DNAH14: variants seen among roughly 807,000 people sequenced by gnomAD.
DNAH14 encodes dynein axonemal heavy chain 14, also known as axonemal beta dynein heavy chain 14.
In DNAH14, 478 loss-of-function variants were observed where a neutral mutation model predicts 520.9. That is an observed-to-expected ratio of 0.92 (90% CI 0.85 to 0.99). The LOEUF (loss-of-function observed/expected upper bound fraction) is 0.99, where lower values mean the gene tolerates loss of function less well. Among genes scored for constraint, DNAH14 ranks in the 50% least tolerant of loss-of-function variants. The pLI is 0.00. For synonymous variants in DNAH14, 1,581 were observed against 1,757.2 expected (o/e 0.90, Z 2.51); for missense variants, 4,831 against 5,234.5 (o/e 0.92, Z 2.38).
At chr1:225,308,510 A>C in intron 60 of DNAH14, 100 bp downstream of exon 60, 1 of 1,192,486 alleles carries the variant, frequency 8.4e-7, no homozygotes, top group Non-Finnish European at 1.1e-6. Context: ...TTAAATACAT[A>C]GTGCCCCAAC....
intron 3 of DNAH14, among the ~76,000 whole-genome samples, chr1:224,957,587 G>A (rs1254997010): frequency 6.6e-6 from 1 of 152,102 alleles, no homozygotes; most frequent in African/African-American, 2.4e-5. Flanking sequence ...TCAGAGTTAA[G>A]CTGAATAGGA....
intron 50 of DNAH14, among the ~76,000 whole-genome samples, chr1:225,271,158 G>C (rs1481227119): frequency 6.6e-6 from 1 of 152,058 alleles, no homozygotes; most frequent in Non-Finnish European, 1.5e-5. Flanking sequence ...GTAGGAATCT[G>C]CATTTTTAAC....
chr1:225,169,215 T>C (rs2082345088), intron 36 of DNAH14, among the ~76,000 whole-genome samples: 1 of 151,948 alleles, frequency 6.6e-6, no homozygotes, highest in Non-Finnish European at 1.5e-5. Context: ...GAAGAAAAAC[T>C]GAAAATTCTA....
intron 60 of DNAH14, among the ~76,000 whole-genome samples, chr1:225,313,953 T>C (rs2094419855): frequency 6.6e-6 from 1 of 152,184 alleles, no homozygotes. Flanking sequence ...GTCTGTTAGG[T>C]CTGCTTGGTC....
intron 77 of DNAH14, 80 bp from the exon 78 acceptor site, chr1:225,374,608 G>A (rs1163848231): frequency 8.8e-6 from 11 of 1,248,094 alleles, no homozygotes; most frequent in South Asian, 1.8e-5. Context: ...CTGTTTGAGA[G>A]TTGATTTTAT....
At chr1:225,332,640 T>C (rs2094823597) in intron 65 of DNAH14, among the ~76,000 whole-genome samples, 1 of 152,028 alleles carries the variant, frequency 6.6e-6, no homozygotes, top group Non-Finnish European at 1.5e-5. Flanking sequence ...GTTGTTGCTG[T>C]TATTATTGTT....
At chr1:225,069,311 T>C (rs1278722322) in intron 17 of DNAH14, among the ~76,000 whole-genome samples, 1 of 152,250 alleles carries the variant, frequency 6.6e-6, no homozygotes, top group African/African-American at 2.4e-5. Context: ...CTTCCTGCTT[T>C]TGCCCATTCA....
intron 75 of DNAH14, among the ~76,000 whole-genome samples, chr1:225,362,408 C>A (rs2095502844): frequency 6.6e-6 from 1 of 152,042 alleles, no homozygotes; most frequent in African/African-American, 2.4e-5. Flanking sequence ...AACCCCGTCT[C>A]TACTAAAAAT....
intron 77 of DNAH14, among the ~76,000 whole-genome samples, chr1:225,371,117 A>G (rs1333569581): frequency 6.6e-6 from 1 of 152,216 alleles, no homozygotes; most frequent in African/African-American, 2.4e-5. Flanking sequence ...TCCCTAGTGT[A>G]TTTTATGAAA....
chr1:225,380,890 A>T (rs559254135), intron 80 of DNAH14, among the ~76,000 whole-genome samples: 4 of 152,346 alleles, frequency 2.6e-5, no homozygotes, highest in Admixed American at 6.5e-5. Flanking sequence ...ATAGTTTATC[A>T]AAACAGTGTC....
At position 225,023,614 on chromosome 1, in the gene DNAH14, G is replaced by T; in HGVS notation, c.1108-1G>T. 1.3e-6 allele frequency: 2 copies of T among 1,505,526 alleles called. No individual in the cohort carries two copies. Among genetic ancestry groups the T allele is most frequent in the Non-Finnish European group, 1.8e-6 (2 of 1,121,502 alleles). The allele number at this position is 1,505,526 out of a possible 1,614,324, so 93.3% of individuals were successfully genotyped here. On this transcript the variant is annotated splice_acceptor_variant, in intron 10 of 85. Transcript: ENST00000682510. LOFTEE classifies it high-confidence loss of function. Reference sequence around the variant, plus strand: ...TTTCTCAATTGTTTTTTAAATTGTAGGTTGCAGAAAAGAATGAAATCAAAG... The same window carrying T: ...TTTCTCAATTGTTTTTTAAATTGTATGTTGCAGAAAAGAATGAAATCAAAG...
chr1:225,294,185 T>G (rs1391851827), intron 55 of DNAH14, among the ~76,000 whole-genome samples: 1 of 152,216 alleles, frequency 6.6e-6, no homozygotes, highest in African/African-American at 2.4e-5. Context: ...TTTCAGCATC[T>G]ATTGAGATGA....
At chr1:225,245,255 T>C (rs1019237635) in intron 43 of DNAH14, among the ~76,000 whole-genome samples, 2 of 152,214 alleles carry the variant, frequency 1.3e-5, no homozygotes, top group Non-Finnish European at 1.5e-5. Flanking sequence ...GAGAGTGTTT[T>C]ACTTCCACTT....
intron 43 of DNAH14, chr1:225,250,556 C>T: frequency 2.3e-6 from 1 of 440,974 alleles, no homozygotes; most frequent in Middle Eastern, 3.0e-4. Context: ...TATGGTGAGG[C>T]CAGACTCAGA....
chr1:225,105,404 G>C (rs568401861), intron 23 of DNAH14, among the ~76,000 whole-genome samples: 1 of 152,024 alleles, frequency 6.6e-6, no homozygotes, highest in Non-Finnish European at 1.5e-5. Context: ...TATTAGGTCC[G>C]CTTGGTGCAG....
intron 38 of DNAH14, among the ~76,000 whole-genome samples, chr1:225,201,079 CTTTG>C (rs1460984438): frequency 6.6e-6 from 1 of 151,502 alleles, no homozygotes; most frequent in Non-Finnish European, 1.5e-5. Flanking sequence ...ATTATTTTGT[CTTTG>C]TTGGATTGGG....
chr1:225,340,018 A>G (rs1231533830), intron 68 of DNAH14, among the ~76,000 whole-genome samples: 1 of 151,642 alleles, frequency 6.6e-6, no homozygotes. Flanking sequence ...TCACCACCAT[A>G]CAATTAATCC....
At chr1:225,103,980 G>C (rs571507693) in intron 23 of DNAH14, among the ~76,000 whole-genome samples, 17 of 149,482 alleles carry the variant, frequency 1.1e-4, no homozygotes, top group African/African-American at 4.2e-4. Flanking sequence ...GTTTTCAAAG[G>C]GAATGCTTCC....
At chr1:224,944,902 CT>C (rs1410930012) in intron 1 of DNAH14, among the ~76,000 whole-genome samples, 2 of 152,194 alleles carry the variant, frequency 1.3e-5, no homozygotes, top group African/African-American at 4.8e-5. Flanking sequence ...GTAACCCTAC[CT>C]TTCTCTCTGG....
Sources: gnomAD v4.1 joint callset for allele counts (sites outside exome capture counted in the v4.1 genomes callset) on GRCh38, gnomAD v4.1.1 for gene constraint, MANE v1.5 for transcripts, NCBI Gene and HGNC (gene_info 2026-07-23, HGNC 2026-07-21) for gene names.